PDP2: variants seen among roughly 807,000 people sequenced by gnomAD.
PDP2 encodes the protein [Pyruvate dehydrogenase [acetyl-transferring]]-phosphatase 2, mitochondrial.
In PDP2, 23 loss-of-function variants were observed where a neutral mutation model predicts 34.2. That is an observed-to-expected ratio of 0.67 (90% CI 0.48 to 0.95). PDP2 has a LOEUF of 0.95. Among genes scored for constraint, PDP2 ranks in the 40% least tolerant of loss-of-function variants. PDP2 has a pLI of 0.00. For synonymous variants in PDP2, 275 were observed against 269.2 expected, an observed-to-expected ratio of 1.02 and a Z score of -0.21; for missense variants, 571 against 659.6, an observed-to-expected ratio of 0.87 and a Z score of 1.47.
rs770796469 is a variant in PDP2 at position 66,885,479 on chromosome 16, A to G, written c.1195A>G (p.Arg399Gly). ...TGCTGAGCCTGAGGTCACATACCAC[A>G]GGCTGAGGCCCCAGGATAAGTTCCT... ...LTAEPEVTYHRLRPQDKFLVL... is the reference protein window; with the variant it reads ...LTAEPEVTYHGLRPQDKFLVL... The change falls in exon 2 of 2, where the codon AGG (arginine) becomes GGG (glycine). Residue 399 changes from arginine to glycine, a missense_variant. By Grantham distance (125) the Arg-to-Gly change is moderately radical. Transcript: ENST00000311765. The surrounding 1 kb of genome is among the most constrained non-coding windows in gnomAD (Gnocchi z 4.6). The G allele has an allele frequency of 1.9e-6, 3 of 1,614,014 alleles. No individual in the cohort carries two copies. The highest frequency in any genetic ancestry group is 2.5e-6 in the Non-Finnish European group (3 of 1,180,034).
At position 66,885,945 on chromosome 16, in the gene PDP2, C is replaced by A; in HGVS notation, c.*71C>A. On this transcript the variant is annotated 3_prime_UTR_variant, in exon 2 of 2. Transcript: ENST00000311765. The surrounding 1 kb of genome is among the most constrained non-coding windows in gnomAD (Gnocchi z 4.6). ...AATGTTTCACTTACTCCTAAACTAG[C>A]TATCCAAACCTTACTATTAAAAGCG... 7.0e-7 allele frequency: 1 copy of A among 1,425,530 alleles called. No homozygotes were observed. Among genetic ancestry groups the A allele is most frequent in the Non-Finnish European group, 9.5e-7 (1 of 1,048,244 alleles). 88.3% of individuals were successfully genotyped at this position (1,425,530 alleles called of 1,614,324 possible).
rs1344304444 is a variant in PDP2, at chr16:66,885,059, T to C, written c.775T>C (p.Ser259Pro). ...PLEDEVTRNLSLQVAFSGATA... is the reference protein window; with the variant it reads ...PLEDEVTRNLPLQVAFSGATA... ...GGAAGATGAGGTGACAAGGAACCTG[T>C]CACTCCAGGTTGCTTTCTCTGGGGC... The change falls in exon 2 of 2, where the codon TCA becomes CCA. Residue 259 changes from serine to proline, a missense_variant. Coordinates refer to ENST00000311765, the MANE Select transcript of PDP2 (RefSeq NM_020786.4). The surrounding 1 kb of genome is among the most constrained non-coding windows in gnomAD (Gnocchi z 4.6). The C allele has an allele frequency of 6.2e-7, 1 of 1,613,820 alleles. No individual in the cohort carries two copies. Among genetic ancestry groups the C allele is most frequent in the Non-Finnish European group, 8.5e-7 (1 of 1,180,002 alleles).
rs1164055367 is a variant in PDP2, at chr16:66,885,272, A to G, written c.988A>G (p.Arg330Gly). 6.2e-7 allele frequency: 1 copy of G among 1,614,112 alleles called. No homozygotes were observed. The highest frequency in any genetic ancestry group is 1.3e-5 in the African/African-American group (1 of 74,956). ...GAGGGAGCACCCTGAGTCAGAGGAC[A>G]GGACGATCATCATGGAGGACAGGCT... ...LKREHPESED[R>G]TIIMEDRLLG... Residue 330 changes from arginine (R) to glycine (G), a missense_variant, in exon 2 of 2, where the codon AGG becomes GGG. Physicochemically the swap from Arg to Gly is moderately radical, Grantham distance 125. This residue lies in a region of PDP2 where 281 missense variants were observed against 375.8 expected (regional missense o/e 0.75). Transcript: ENST00000311765. The surrounding 1 kb of genome is among the most constrained non-coding windows in gnomAD (Gnocchi z 4.6).
Position 66,884,806 on chromosome 16 carries a change from G to A in PDP2, c.522G>A (p.Glu174=), listed in dbSNP as rs1468786071. The change falls in exon 2 of 2, where the codon GAG becomes GAA. Residue 174 remains glutamate (E), a synonymous_variant. Coordinates refer to ENST00000311765, the MANE Select transcript of PDP2 (RefSeq NM_020786.4). The part of the protein sequence containing the change: ...LMSHQTLEHM[E]GAMESMKPLL... ...CCCACCAGACCCTGGAGCACATGGA[G>A]GGAGCTATGGAAAGCATGAAACCCT... is the stretch of plus-strand genomic sequence containing the variant. 1 of 1,614,024 alleles carries A rather than the reference G, an allele frequency of 6.2e-7. No individual in the cohort carries two copies. The highest frequency in any genetic ancestry group is 1.3e-5 in the African/African-American group (1 of 74,934).
Position 66,884,762 on chromosome 16 carries a change from G to A in PDP2, c.478G>A (p.Val160Met). ...AGTGAGCGAGAGGCTCTTCTACTAT[G>A]TGGCAGTGTCCCTGATGTCCCACCA... ...QAVSERLFYY[V>M]AVSLMSHQTL... Residue 160 changes from valine (V) to methionine (M), a missense_variant, in exon 2 of 2, where the codon GTG (valine) becomes ATG (methionine). Val to Met is a conservative substitution (Grantham distance 21). Coordinates refer to ENST00000311765, the MANE Select transcript of PDP2 (RefSeq NM_020786.4). 6.2e-7 allele frequency: 1 copy of A among 1,614,198 alleles called. No individual in the cohort carries two copies. The highest frequency in any genetic ancestry group is 8.5e-7 in the Non-Finnish European group (1 of 1,180,042).
At position 66,884,821 on chromosome 16, in the gene PDP2, C is replaced by T; in HGVS notation, c.537C>T (p.Ser179=). The T allele has an allele frequency of 6.2e-7, 1 of 1,614,108 alleles. No homozygotes were observed. The highest frequency in any genetic ancestry group is 1.1e-5 in the South Asian group (1 of 91,086). ...TLEHMEGAME[S]MKPLLPILHW... Reference sequence around the variant, plus strand: ...AGCACATGGAGGGAGCTATGGAAAGCATGAAACCCTTGCTGCCCATCCTGC... The same window carrying T: ...AGCACATGGAGGGAGCTATGGAAAGTATGAAACCCTTGCTGCCCATCCTGC... Residue 179 remains serine (S), a synonymous_variant, in exon 2 of 2, where the codon AGC becomes AGT. Coordinates refer to ENST00000311765, the MANE Select transcript of PDP2 (RefSeq NM_020786.4).
At chr16:66,883,654 C>T (rs1004955434) in intron 1 of PDP2, among the ~76,000 whole-genome samples, 2 of 149,834 alleles carry the variant, frequency 1.3e-5, no homozygotes, top group Non-Finnish European at 3.0e-5. Flanking sequence ...CACCATGTTG[C>T]CCAGGCTAGT....
rs562192792 is a variant in PDP2, at chr16:66,887,579, A to T, written c.*1705A>T. ...TGTTTCTTTGTACATTTTTCAGTGC[A>T]ACTGTTTAGTCATGTGTTTTCATCT... On this transcript the variant is annotated 3_prime_UTR_variant, in exon 2 of 2. Coordinates refer to ENST00000311765, the MANE Select transcript of PDP2 (RefSeq NM_020786.4). The T allele has an allele frequency of 2.5e-4, 41 of 167,236 alleles. No individual in the cohort carries two copies. The highest frequency in any genetic ancestry group is 9.6e-4 in the African/African-American group (40 of 41,588). 10.4% of individuals were successfully genotyped at this position (167,236 alleles called of 1,614,324 possible). A position where few individuals can be genotyped will look rare whatever the true frequency, so the allele number is the denominator to read the frequency against.
At position 66,887,943 on chromosome 16, in the gene PDP2, A is replaced by G. The variant is rs1326007705; in HGVS notation, c.*2069A>G. ...CTCCAGCCTGGGCAACAAGAGTGAA[A>G]CTCTGTCTCAAAAAAAAAAAAAAAA... On this transcript the variant is annotated 3_prime_UTR_variant, in exon 2 of 2. Coordinates refer to ENST00000311765, the MANE Select transcript of PDP2 (RefSeq NM_020786.4). The G allele has an allele frequency of 7.2e-6, 1 of 138,556 alleles. No individual in the cohort carries two copies. The highest frequency in any genetic ancestry group is 2.8e-5 in the African/African-American group (1 of 35,718). 8.6% of individuals were successfully genotyped at this position (138,556 alleles called of 1,614,324 possible). A position where few individuals can be genotyped will look rare whatever the true frequency, so the allele number is the denominator to read the frequency against.
At position 66,884,921 on chromosome 16, in the gene PDP2, T is replaced by A; in HGVS notation, c.637T>A (p.Trp213Arg). 1 of 1,614,136 alleles carries A rather than the reference T, an allele frequency of 6.2e-7. No homozygotes were observed. The highest frequency in any genetic ancestry group is 1.1e-5 in the South Asian group (1 of 91,090). ...SVHLDHLRVY[W>R]QELLDLHMEM... ...GCATCTTGACCACCTCCGTGTCTAT[T>A]GGCAGGAACTGCTTGATTTGCACAT... Residue 213 changes from tryptophan (W) to arginine (R), a missense_variant, in exon 2 of 2, where the codon TGG becomes AGG. This residue lies in a region of PDP2 where 290 missense variants were observed against 283.8 expected (regional missense o/e 1.02). Coordinates refer to ENST00000311765, the MANE Select transcript of PDP2 (RefSeq NM_020786.4).
intron 1 of PDP2, 104 bp from the exon 2 acceptor site, chr16:66,884,127 T>A (rs1448539145): frequency 7.0e-6 from 4 of 569,822 alleles, no homozygotes; most frequent in African/African-American, 4.7e-5. Flanking sequence ...TGAGCAGAGA[T>A]CACACCACTG....
At position 66,884,597 on chromosome 16, in the gene PDP2, T is replaced by G. The variant is rs913899540; in HGVS notation, c.313T>G (p.Ser105Ala). The G allele has an allele frequency of 7.4e-6, 12 of 1,614,080 alleles. No homozygotes were observed. Among genetic ancestry groups the G allele is most frequent in the Non-Finnish European group, 1.0e-5 (12 of 1,180,042 alleles). The change falls in exon 2 of 2, where the codon TCA (serine) becomes GCA (alanine). Residue 105 changes from serine to alanine, a missense_variant. By Grantham distance (99) the Ser-to-Ala change is moderately conservative. Transcript: ENST00000311765. ...ILDLESRVPN[S>A]VLRFESNQLA... The stretch of plus-strand genomic sequence containing the variant: ...TGACCTTGAAAGCAGAGTCCCAAAT[T>G]CAGTGTTGCGGTTTGAGAGCAACCA...
chr16:66,885,812 A>G lies in PDP2; in HGVS notation c.1528A>G (p.Ile510Val). 1 of 1,613,336 alleles carries G rather than the reference A, an allele frequency of 6.2e-7. No homozygotes were observed. Among genetic ancestry groups the G allele is most frequent in the Non-Finnish European group, 8.5e-7 (1 of 1,180,008 alleles). ...CTTGGCGAGGATGTACAGGGATGAT[A>G]TCACTGTCACTGTGGTGTATTTTAA... is the stretch of plus-strand genomic sequence containing the variant. Reference protein sequence around the residue: ...EDLARMYRDDITVTVVYFNSE... With the variant: ...EDLARMYRDDVTVTVVYFNSE... Residue 510 changes from isoleucine (I) to valine (V), a missense_variant, in exon 2 of 2, where the codon ATC (isoleucine) becomes GTC (valine). Around this residue, in one of 2 missense-constraint regions of PDP2, gnomAD observed 281 missense variants for 375.8 expected, o/e 0.75. Transcript: ENST00000311765. The surrounding 1 kb of genome is among the most constrained non-coding windows in gnomAD (Gnocchi z 4.6).
rs1961752915 is a variant in PDP2, at chr16:66,886,001, C to T, written c.*127C>T. On this transcript the variant is annotated 3_prime_UTR_variant, in exon 2 of 2. Transcript: ENST00000311765. ...AGATTTAATTTGCTAAATAGACTAACAGGAGGAAAAAAACAAACAGCCTAG... is the reference window on the plus strand; with the variant it reads ...AGATTTAATTTGCTAAATAGACTAATAGGAGGAAAAAAACAAACAGCCTAG... 1 of 958,568 alleles carries T rather than the reference C, an allele frequency of 1.0e-6. No individual in the cohort carries two copies. The highest frequency in any genetic ancestry group is 1.6e-6 in the Non-Finnish European group (1 of 637,124). The allele number at this position is 958,568 out of a possible 1,614,324, so 59.4% of individuals were successfully genotyped here. A position where few individuals can be genotyped will look rare whatever the true frequency, so the allele number is the denominator to read the frequency against.
rs1961659681 is a variant in PDP2, at chr16:66,884,585, A to G, written c.301A>G (p.Arg101Gly). 1.2e-6 allele frequency: 2 copies of G among 1,614,244 alleles called. No individual in the cohort carries two copies. Among genetic ancestry groups the G allele is most frequent in the Non-Finnish European group, 1.7e-6 (2 of 1,180,038 alleles). ...CCACAAGATTCTTGACCTTGAAAGC[A>G]GAGTCCCAAATTCAGTGTTGCGGTT... ...TTHKILDLES[R>G]VPNSVLRFES... Residue 101 changes from arginine to glycine, a missense_variant, in exon 2 of 2, where the codon AGA becomes GGA. By Grantham distance (125) the Arg-to-Gly change is moderately radical (BLOSUM62 -2). This residue lies in a region of PDP2 where 290 missense variants were observed against 283.8 expected (regional missense o/e 1.02). Coordinates refer to ENST00000311765, the MANE Select transcript of PDP2 (RefSeq NM_020786.4).
intron 1 of PDP2, among the ~76,000 whole-genome samples, chr16:66,881,198 G>GCTGA (rs1284886667): frequency 1.3e-5 from 2 of 152,130 alleles, no homozygotes; most frequent in Non-Finnish European, 2.9e-5. Flanking sequence ...ACCCTGCACC[G>GCTGA]CTGCCTGCCT....
Position 66,885,050 on chromosome 16 carries a change from A to T in PDP2, c.766A>T (p.Arg256Trp). Residue 256 changes from arginine (R) to tryptophan (W), a missense_variant, in exon 2 of 2, where the codon AGG becomes TGG. Arg to Trp is a moderately radical substitution (Grantham distance 101). Coordinates refer to ENST00000311765, the MANE Select transcript of PDP2 (RefSeq NM_020786.4). The surrounding 1 kb of genome is among the most constrained non-coding windows in gnomAD (Gnocchi z 4.6). Reference protein sequence around the residue: ...IQAPLEDEVTRNLSLQVAFSG... With the variant: ...IQAPLEDEVTWNLSLQVAFSG... ...GGCCCCCCTGGAAGATGAGGTGACA[A>T]GGAACCTGTCACTCCAGGTTGCTTT... 1.2e-6 allele frequency: 2 copies of T among 1,613,962 alleles called. No individual in the cohort carries two copies. Among genetic ancestry groups the T allele is most frequent in the Non-Finnish European group, 1.7e-6 (2 of 1,180,020 alleles).
rs1961670422 is a variant in PDP2, at chr16:66,884,749, G to A, written c.465G>A (p.Arg155=). Residue 155 remains arginine, a synonymous_variant, in exon 2 of 2, where the codon AGG becomes AGA. Transcript: ENST00000311765. ...GHACAQAVSE[R]LFYYVAVSLM... ...CATGTGCCCAAGCAGTGAGCGAGAG[G>A]CTCTTCTACTATGTGGCAGTGTCCC... 1.5e-5 allele frequency: 25 copies of A among 1,614,180 alleles called. No individual in the cohort carries two copies. The highest frequency in any genetic ancestry group is 2.1e-5 in the Non-Finnish European group (25 of 1,180,052).
Position 66,886,161 on chromosome 16 carries a change from G to A in PDP2, c.*287G>A, listed in dbSNP as rs1281086607. ...GTAGCCCCAGTCATTTGATAAAGAT[G>A]TTGTTAAACTGTGTCAGCCTGAGCC... On this transcript the variant is annotated 3_prime_UTR_variant, in exon 2 of 2. Coordinates refer to ENST00000311765, the MANE Select transcript of PDP2 (RefSeq NM_020786.4). 1 of 355,178 alleles carries A rather than the reference G, an allele frequency of 2.8e-6. No individual in the cohort carries two copies. The highest frequency in any genetic ancestry group is 5.5e-6 in the Non-Finnish European group (1 of 183,296). The allele number at this position is 355,178 out of a possible 1,614,324, so 22.0% of individuals were successfully genotyped here. A position where few individuals can be genotyped will look rare whatever the true frequency, so the allele number is the denominator to read the frequency against.
Sources: gnomAD v4.1 joint callset for allele counts (sites outside exome capture counted in the v4.1 genomes callset) on GRCh38, gnomAD v4.1.1 for gene constraint, gnomAD v4.1.1 regional missense constraint, Gnocchi (gnomAD v3.1) non-coding constraint, MANE v1.5 for transcripts, NCBI Gene and HGNC (gene_info 2026-07-23, HGNC 2026-07-21) for gene names.